Variants in EP300 observed in about 807,000 individuals in gnomAD.
EP300 encodes histone acetyltransferase p300.
Under a neutral mutation model 264.0 loss-of-function variants are expected in EP300, and 31 were observed. That is an observed-to-expected ratio of 0.12 (90% confidence interval 0.09 to 0.16). EP300 has a LOEUF of 0.16. EP300 is among the 10% of genes least tolerant of loss of function. The probability of loss-of-function intolerance (pLI) is 1.00; values close to 1 mark genes in which losing one functional copy is unlikely to be tolerated. For synonymous variants in EP300, 1,340 were observed against 1,045.4 expected (o/e 1.28, Z -5.44); for missense variants, 2,766 against 3,052.9 (o/e 0.91, Z 2.21).
In EP300 at chr22:41,178,742, C is replaced by T; in HGVS notation, c.7031C>T (p.Thr2344Ile). The stretch of plus-strand genomic sequence containing the variant: ...TCTCCACACCACGTTTCCCCACAGA[C>T]AAGTTCCCCACATCCTGGACTGGTA... ...QPSPHHVSPQ[T>I]SSPHPGLVAA... The change falls in exon 31 of 31, where the codon ACA becomes ATA. Residue 2344 changes from threonine (T) to isoleucine (I), a missense_variant. Physicochemically the swap from Thr to Ile is moderately conservative, Grantham distance 89. Transcript: ENST00000263253. The T allele has an allele frequency of 6.2e-7, 1 of 1,614,148 alleles. No individual in the cohort carries two copies. Among genetic ancestry groups the T allele is most frequent in the Non-Finnish European group, 8.5e-7 (1 of 1,180,006 alleles).
In EP300 at chr22:41,127,648, G is replaced by A; in HGVS notation, c.1068G>A (p.Gln356=). The change falls in exon 4 of 31, where the codon CAG becomes CAA. Residue 356 remains glutamine (Q), a synonymous_variant. Transcript: ENST00000263253. ...LHAHKCQRRE[Q]ANGEVRQCNL... is the part of the protein sequence containing the mutation. The stretch of plus-strand genomic sequence containing the variant: ...CTCACAAGTGCCAGCGCCGGGAACA[G>A]GCCAATGGGGAAGTGAGGCAGTGCA... 6.2e-7 allele frequency: 1 copy of A among 1,614,170 alleles called. No individual in the cohort carries two copies. Among genetic ancestry groups the A allele is most frequent in the Non-Finnish European group, 8.5e-7 (1 of 1,180,044 alleles).
chr22:41,092,802 C>T lies in EP300; in HGVS notation c.-203C>T. 3.0e-6 allele frequency: 2 copies of T among 659,076 alleles called. No homozygotes were observed. Among genetic ancestry groups the T allele is most frequent in the Non-Finnish European group, 5.5e-6 (2 of 364,808 alleles). 40.8% of individuals were successfully genotyped at this position (659,076 alleles called of 1,614,324 possible). A position where few individuals can be genotyped will look rare whatever the true frequency, so the allele number is the denominator to read the frequency against. On this transcript the variant is annotated 5_prime_UTR_variant, in exon 1 of 31. Transcript: ENST00000263253. ...TTGGGCCCAGGCCCGGCCCCTCGCA[C>T]TTGCCCTTACCTTTTCTATCGAGTC...
At position 41,178,797 on chromosome 22, in the gene EP300, G is replaced by A. The variant is rs777196925; in HGVS notation, c.7086G>A (p.Gly2362=). 27 of 1,614,058 alleles carry A rather than the reference G, an allele frequency of 1.7e-5. No individual in the cohort carries two copies. In the South Asian group the frequency reaches 2.4e-4, roughly 14 times the overall value. ...CCCAGGCCAACCCCATGGAACAAGG[G>A]CATTTTGCCAGCCCGGACCAGAATT... The part of the protein sequence containing the change: ...VAAQANPMEQ[G]HFASPDQNSM... The change falls in exon 31 of 31, where the codon GGG becomes GGA. Residue 2362 remains glycine, a synonymous_variant. Transcript: ENST00000263253.
chr22:41,179,197 G>C lies in EP300; in HGVS notation c.*241G>C, dbSNP rs566086251. 3.6e-6 allele frequency: 2 copies of C among 553,916 alleles called. No homozygotes were observed. Among genetic ancestry groups the C allele is most frequent in the Non-Finnish European group, 3.2e-6 (1 of 313,118 alleles). The allele number at this position is 553,916 out of a possible 1,614,324, so 34.3% of individuals were successfully genotyped here. ...TTACCACCAGCCTTTCTTCCCCTTTGTGTGTGTGGTTCAAGTGTGCACTGG... is the reference window on the plus strand; with the variant it reads ...TTACCACCAGCCTTTCTTCCCCTTTCTGTGTGTGGTTCAAGTGTGCACTGG... On this transcript the variant is annotated 3_prime_UTR_variant, in exon 31 of 31. Coordinates refer to ENST00000263253, the MANE Select transcript of EP300 (RefSeq NM_001429.4).
chr22:41,142,112 A>G (rs1389884579), intron 10 of EP300, among the ~76,000 whole-genome samples: 1 of 152,242 alleles, frequency 6.6e-6, no homozygotes, highest in African/African-American at 2.4e-5. Context: ...TGGTACGATC[A>G]AAGTAGTGAA....
At chr22:41,166,479 ACT>A in intron 22 of EP300, 118 bp from the exon 23 acceptor site, 1 of 752,706 alleles carries the variant, frequency 1.3e-6, no homozygotes, top group East Asian at 2.7e-5. Flanking sequence ...AGTTTTATTA[ACT>A]CTTCATTAGA....
At chr22:41,127,841 A>G (rs2058891927) in intron 4 of EP300, 93 bp downstream of exon 4, 2 of 1,488,044 alleles carry the variant, frequency 1.3e-6, no homozygotes, top group Non-Finnish European at 9.3e-7. Context: ...GGTGATGGAT[A>G]TGTTTAATAC....
chr22:41,141,865 C>T (rs1175518696), intron 10 of EP300, among the ~76,000 whole-genome samples: 1 of 152,094 alleles, frequency 6.6e-6, no homozygotes, highest in African/African-American at 2.4e-5. Context: ...TTCGTAGAGA[C>T]AGGGTTTTGC....
Position 41,148,993 on chromosome 22 carries a change from C to G in EP300, c.2242-45C>G, listed in dbSNP as rs563726252. 6.2e-5 allele frequency: 100 copies of G among 1,610,598 alleles called. 2 individuals carry two copies. The Admixed American group carries it at 1.4e-3, about 23-fold the overall frequency. On this transcript the variant is annotated intron_variant, in intron 12 of 30. Transcript: ENST00000263253. ...GATGATTTTAGTTATAGTAGAATAA[C>G]TATAATGAAGCAGTTTGGTGATTTG...
Position 41,177,052 on chromosome 22 carries a change from A to G in EP300, c.5341A>G (p.Ile1781Val). 1 of 1,614,140 alleles carries G rather than the reference A, an allele frequency of 6.2e-7. No homozygotes were observed. The highest frequency in any genetic ancestry group is 2.2e-5 in the East Asian group (1 of 44,872). ...ACGGAAAACCAATGGCGGGTGCCCC[A>G]TCTGCAAGCAGCTCATTGCCCTCTG... The part of the protein sequence containing the change: ...CKRKTNGGCP[I>V]CKQLIALCCY... The change falls in exon 31 of 31, where the codon ATC becomes GTC. Residue 1781 changes from isoleucine (I) to valine (V), a missense_variant. Ile to Val is a conservative substitution (Grantham distance 29). Coordinates refer to ENST00000263253, the MANE Select transcript of EP300 (RefSeq NM_001429.4).
At position 41,113,163 on chromosome 22, in the gene EP300, C is replaced by CCT. The variant is rs912633760; in HGVS notation, c.95-4023_95-4022insTC. 1.4e-5 allele frequency among the ~76,000 whole-genome samples: 2 copies of CCT among 141,380 alleles called. 1 individual carries two copies. Among genetic ancestry groups the CCT allele is most frequent in the Non-Finnish European group, 3.1e-5 (2 of 64,960 alleles). The allele number at this position is 141,380 out of a possible 152,430, so 92.8% of individuals were successfully genotyped here. A position where few individuals can be genotyped will look rare whatever the true frequency, so the allele number is the denominator to read the frequency against. On this transcript the variant is annotated intron_variant, in intron 1 of 30. Coordinates refer to ENST00000263253, the MANE Select transcript of EP300 (RefSeq NM_001429.4). ...TTGTTTGAATCAGGATTCCACCCCC[C>CCT]CCCCAACTTATGCTATGGATTTGTT... is the stretch of plus-strand genomic sequence containing the variant.
At chr22:41,160,436 AAAAAC>A in intron 19 of EP300, 4 of 538,748 alleles carry the variant, frequency 7.4e-6, no homozygotes, top group Non-Finnish European at 1.3e-5. Context: ...AAAAACAAAA[AAAAAC>A]AAAAAAACAA....
chr22:41,099,606 T>G (rs2058720177), intron 1 of EP300, among the ~76,000 whole-genome samples: 2 of 152,238 alleles, frequency 1.3e-5, no homozygotes, highest in Admixed American at 6.5e-5. Flanking sequence ...TGTATAGATT[T>G]GATCTTTGTA....
chr22:41,169,368 G>A (rs1019263668), intron 25 of EP300, 135 bp from the exon 26 acceptor site: 1 of 701,770 alleles, frequency 1.4e-6, no homozygotes, highest in Non-Finnish European at 2.5e-6. Flanking sequence ...CTACCTGCCT[G>A]TGATGAGCTT....
intron 1 of EP300, among the ~76,000 whole-genome samples, chr22:41,106,061 T>C (rs2145682470): frequency 6.6e-6 from 1 of 152,294 alleles, no homozygotes; most frequent in East Asian, 1.9e-4. Flanking sequence ...GCTAGATGGG[T>C]TGTTTATATG....
chr22:41,170,268 A>T, intron 26 of EP300, 138 bp from the exon 27 acceptor site: 1 of 763,194 alleles, frequency 1.3e-6, no homozygotes, highest in East Asian at 2.7e-5. Flanking sequence ...TGTTAATCTC[A>T]TTCTGGGTTA....
chr22:41,169,201 TTTC>T, intron 25 of EP300: 2 of 544,094 alleles, frequency 3.7e-6, no homozygotes, highest in Non-Finnish European at 6.6e-6. Context: ...CGGGTGGGAA[TTTC>T]TTTTCTCCAA....
chr22:41,137,033 C>G lies in EP300; in HGVS notation c.1623-620C>G, dbSNP rs1339892553. Among the ~76,000 whole-genome samples, 3 of 151,490 alleles carry G rather than the reference C, an allele frequency of 2.0e-5. No homozygotes were observed. The Admixed American group carries it at 2.0e-4, about 10-fold the overall frequency. Reference sequence around the variant, plus strand: ...TGAGATCATGCCACTGCACTCCAGCCTGGGTGACAGAGCGACACGCCATCT... The same window carrying G: ...TGAGATCATGCCACTGCACTCCAGCGTGGGTGACAGAGCGACACGCCATCT... On this transcript the variant is annotated intron_variant, in intron 7 of 30. Coordinates refer to ENST00000263253, the MANE Select transcript of EP300 (RefSeq NM_001429.4).
intron 1 of EP300, among the ~76,000 whole-genome samples, chr22:41,110,043 A>G (rs775038972): frequency 1.4e-4 from 21 of 150,410 alleles, no homozygotes; most frequent in Non-Finnish European, 2.4e-4. Flanking sequence ...TCTTGACCTC[A>G]GGTGATCTGC....
Sources: gnomAD v4.1 joint callset for allele counts (sites outside exome capture counted in the v4.1 genomes callset) on GRCh38, gnomAD v4.1.1 for gene constraint, MANE v1.5 for transcripts, NCBI Gene and HGNC (gene_info 2026-07-23, HGNC 2026-07-21) for gene names.